The following SAMMSON variants were observed in gnomAD, a reference collection of about 807,000 sequenced individuals.
The protein encoded by SAMMSON is long intergenic non-protein coding RNA 1212.
chr3:70,114,957 G>C (rs1336466775), intron 4 of SAMMSON, among the ~76,000 whole-genome samples: 1 of 152,018 alleles, frequency 6.6e-6, no homozygotes, highest in Non-Finnish European at 1.5e-5. Flanking sequence ...GTCACTTGGG[G>C]AAATTGTAGA....
At position 70,250,371 on chromosome 3, in the gene SAMMSON, T is replaced by C. The variant is rs1328504081; in HGVS notation, n.674+701T>C. On this transcript the variant is annotated intron_variant and non_coding_transcript_variant, in intron 6 of 9. Coordinates refer to ENST00000642114, the Ensembl canonical transcript of SAMMSON. ...TGAGAAGTCATGCCCTGTGTTTTTATTGTTATTGACAATATTCGGTATTTT... is the reference window on the plus strand; with the variant it reads ...TGAGAAGTCATGCCCTGTGTTTTTACTGTTATTGACAATATTCGGTATTTT... 2.6e-5 allele frequency among the ~76,000 whole-genome samples: 4 copies of C among 151,934 alleles called. No individual in the cohort carries two copies. In the South Asian group the frequency reaches 8.3e-4, roughly 32 times the overall value.
chr3:70,011,630 G>A (rs1220935372), intron 1 of SAMMSON, among the ~76,000 whole-genome samples: 1 of 150,204 alleles, frequency 6.7e-6, no homozygotes, highest in African/African-American at 2.5e-5. Flanking sequence ...TACTATGGAA[G>A]TGAAGTCAAT....
intron 4 of SAMMSON, among the ~76,000 whole-genome samples, chr3:70,137,338 A>C (rs2067510166): frequency 6.6e-6 from 1 of 152,208 alleles, no homozygotes; most frequent in Non-Finnish European, 1.5e-5. Context: ...CTTATGGGCC[A>C]AATTTGTCCT....
intron 4 of SAMMSON, among the ~76,000 whole-genome samples, chr3:70,180,827 G>A (rs148821974): frequency 2.1e-3 from 320 of 152,234 alleles, no homozygotes; most frequent in African/African-American, 7.2e-3. Context: ...CGAAGGCTAA[G>A]AAAAGTTCTA....
At chr3:70,283,784 A>AG (rs1702112742) in intron 6 of SAMMSON, 1 of 151,168 alleles carries the variant, frequency 6.6e-6, no homozygotes, top group African/African-American at 2.4e-5. Context: ...TAAAAAAAAA[A>AG]AGAGAGAGAA....
At chr3:70,017,224 G>A (rs1252808400) in intron 3 of SAMMSON, among the ~76,000 whole-genome samples, 1 of 152,162 alleles carries the variant, frequency 6.6e-6, no homozygotes, top group Non-Finnish European at 1.5e-5. Flanking sequence ...CATGAGCATG[G>A]AATGTTATTC....
chr3:70,046,251 A>G (rs748217277), intron 3 of SAMMSON, among the ~76,000 whole-genome samples: 6 of 152,126 alleles, frequency 3.9e-5, no homozygotes, highest in Non-Finnish European at 7.4e-5. Flanking sequence ...GAACAAATGT[A>G]TAAGTGAAGG....
chr3:70,424,239 T>A (rs1431134419), intron 2 of SAMMSON, among the ~76,000 whole-genome samples: 7 of 152,200 alleles, frequency 4.6e-5, no homozygotes, highest in Non-Finnish European at 1.0e-4. Context: ...CATATTAATT[T>A]CTCACTTACA....
chr3:70,009,304 C>T (rs1486487974), intron 1 of SAMMSON: 1 of 152,002 alleles, frequency 6.6e-6, no homozygotes, highest in East Asian at 1.9e-4. Context: ...TTAATTATTG[C>T]CTCAATTTCA....
chr3:70,079,544 A>G (rs987001277), intron 4 of SAMMSON, among the ~76,000 whole-genome samples: 3 of 152,176 alleles, frequency 2.0e-5, no homozygotes, highest in Admixed American at 6.5e-5. Context: ...TCCTTGCAGT[A>G]CAGTAGTCAA....
chr3:70,082,190 C>T (rs1491690), intron 4 of SAMMSON, among the ~76,000 whole-genome samples: 15,937 of 152,066 alleles, frequency 0.1, 1,267 homozygotes, highest in African/African-American at 0.2. Flanking sequence ...TGAACAAGGG[C>T]GGTGGGTATT....
chr3:70,245,326 A>G (rs1373214960), intron 4 of SAMMSON, among the ~76,000 whole-genome samples: 1 of 152,068 alleles, frequency 6.6e-6, no homozygotes, highest in Non-Finnish European at 1.5e-5. Context: ...CTCATTGCCT[A>G]AGAGAAAACA....
chr3:70,197,608 C>G (rs1701195054), intron 4 of SAMMSON, among the ~76,000 whole-genome samples: 1 of 152,162 alleles, frequency 6.6e-6, no homozygotes, highest in Non-Finnish European at 1.5e-5. Flanking sequence ...GTACAAATGC[C>G]CTGTTTCTTG....
chr3:70,082,501 C>T (rs991292439), intron 4 of SAMMSON, among the ~76,000 whole-genome samples: 5 of 152,098 alleles, frequency 3.3e-5, no homozygotes, highest in East Asian at 1.9e-4. Flanking sequence ...AAATTATTGC[C>T]GGTAAATTCT....
chr3:70,119,709 A>C (rs1431780664), intron 4 of SAMMSON, among the ~76,000 whole-genome samples: 1 of 152,166 alleles, frequency 6.6e-6, no homozygotes, highest in Non-Finnish European at 1.5e-5. Flanking sequence ...AAGATTCCTC[A>C]TAGTGAGAAA....
intron 9 of SAMMSON, among the ~76,000 whole-genome samples, chr3:70,381,556 G>A (rs923283100): frequency 1.3e-5 from 2 of 152,088 alleles, no homozygotes; most frequent in Non-Finnish European, 2.9e-5. Context: ...TAATAAATGA[G>A]ACAACCAGAT....
intron 3 of SAMMSON, among the ~76,000 whole-genome samples, chr3:70,027,337 C>T (rs1022014958): frequency 1.3e-5 from 2 of 152,092 alleles, no homozygotes; most frequent in South Asian, 4.2e-4. Context: ...GTTCTAATAC[C>T]CTTGAAGACA....
chr3:70,326,081 T>C (rs1293149253), intron 7 of SAMMSON, among the ~76,000 whole-genome samples: 1 of 152,148 alleles, frequency 6.6e-6, no homozygotes, highest in Non-Finnish European at 1.5e-5. Flanking sequence ...AACTGCTGAG[T>C]ATTTCTGACT....
rs1295137636 is a variant in SAMMSON at position 70,261,351 on chromosome 3, C to CA, written n.674+11688dup. ...TCATCATAATCTAACAACTATGCTT[C>CA]AAAAAAAGTTGATGTGAACATGCAT... On this transcript the variant is annotated intron_variant and non_coding_transcript_variant, in intron 6 of 9. Coordinates refer to ENST00000642114, the Ensembl canonical transcript of SAMMSON. 2.0e-5 allele frequency among the ~76,000 whole-genome samples: 3 copies of CA among 152,060 alleles called. No homozygotes were observed. The East Asian group carries it at 5.8e-4, about 29-fold the overall frequency.
Sources: gnomAD v4.1 joint callset for allele counts (sites outside exome capture counted in the v4.1 genomes callset) on GRCh38, gnomAD v4.1.1 for gene constraint, MANE v1.5 for transcripts, NCBI Gene and HGNC (gene_info 2026-07-23, HGNC 2026-07-21) for gene names.